Variants in KCNH7 observed in about 807,000 individuals in gnomAD.
KCNH7 encodes potassium voltage-gated channel subfamily H member 7, also known as voltage-gated inwardly rectifying potassium channel KCNH7.
Under a neutral mutation model 120.8 loss-of-function variants are expected in KCNH7, and 49 were observed. That is an observed-to-expected ratio of 0.41 (90% CI 0.32 to 0.51). The LOEUF (loss-of-function observed/expected upper bound fraction) is 0.51, where lower values mean the gene tolerates loss of function less well. KCNH7 is among the 20% of genes least tolerant of loss of function. KCNH7 has a pLI of 0.38. For synonymous variants in KCNH7, 547 were observed against 516.1 expected (o/e 1.06, Z -0.81); for missense variants, 1,097 against 1,446.6 (o/e 0.76, Z 3.92).
chr2:162,831,461 C>T (rs1182758008), intron 2 of KCNH7, among the ~76,000 whole-genome samples: 1 of 152,072 alleles, frequency 6.6e-6, no homozygotes, highest in Admixed American at 6.6e-5. Context: ...ATTTGGTGAC[C>T]AGTTGGCTTT....
At chr2:162,617,870 A>G (rs1249583560) in intron 2 of KCNH7, among the ~76,000 whole-genome samples, 1 of 152,180 alleles carries the variant, frequency 6.6e-6, no homozygotes, top group Non-Finnish European at 1.5e-5. Context: ...GCCATTTAGA[A>G]TATTTTTTTC....
chr2:162,468,329 C>G (rs1000661553), intron 6 of KCNH7, among the ~76,000 whole-genome samples: 1 of 148,722 alleles, frequency 6.7e-6, no homozygotes, highest in Non-Finnish European at 1.5e-5. Context: ...TCAATACAAT[C>G]TGACCTATGT....
chr2:162,374,222 T>C (rs1271729566), intron 14 of KCNH7, among the ~76,000 whole-genome samples: 1 of 152,224 alleles, frequency 6.6e-6, no homozygotes, highest in Non-Finnish European at 1.5e-5. Flanking sequence ...TAAATTCTTT[T>C]TCCCTCTTAA....
chr2:162,457,464 A>C (rs928493290), intron 6 of KCNH7, among the ~76,000 whole-genome samples: 1 of 152,142 alleles, frequency 6.6e-6, no homozygotes. Context: ...ACCAAATACA[A>C]TTTTTCTTCA....
At chr2:162,586,321 C>T (rs1694018332) in intron 2 of KCNH7, among the ~76,000 whole-genome samples, 1 of 152,028 alleles carries the variant, frequency 6.6e-6, no homozygotes, top group African/African-American at 2.4e-5. Flanking sequence ...CTATTTTGCC[C>T]TTTGGAACGT....
At chr2:162,710,987 C>T (rs934616866) in intron 2 of KCNH7, among the ~76,000 whole-genome samples, 5 of 152,108 alleles carry the variant, frequency 3.3e-5, no homozygotes, top group African/African-American at 7.2e-5. Context: ...GTCACTTCAA[C>T]TCCACAACCA....
At chr2:162,410,809 A>C (rs2105464917) in intron 9 of KCNH7, among the ~76,000 whole-genome samples, 1 of 152,202 alleles carries the variant, frequency 6.6e-6, no homozygotes, top group East Asian at 1.9e-4. Context: ...GATACTTCTC[A>C]AAAAAAGGCA....
chr2:162,674,048 C>T (rs1217902035), intron 2 of KCNH7, among the ~76,000 whole-genome samples: 1 of 151,324 alleles, frequency 6.6e-6, no homozygotes, highest in Non-Finnish European at 1.5e-5. Context: ...TATAATCTAG[C>T]CTACACAGTA....
At chr2:162,478,954 T>C (rs527908520) in intron 6 of KCNH7, among the ~76,000 whole-genome samples, 4 of 152,230 alleles carry the variant, frequency 2.6e-5, no homozygotes, top group East Asian at 3.9e-4. Flanking sequence ...CTGGTGCTTT[T>C]TAGAAGGAAG....
At chr2:162,721,101 C>T (rs188708376) in intron 2 of KCNH7, among the ~76,000 whole-genome samples, 40 of 152,240 alleles carry the variant, frequency 2.6e-4, no homozygotes, top group African/African-American at 9.6e-4. Flanking sequence ...AAGAGATGCA[C>T]AGCAGCACAT....
chr2:162,400,421 T>C lies in KCNH7; in HGVS notation c.2175A>G (p.Glu725=). The C allele has an allele frequency of 6.2e-7, 1 of 1,612,022 alleles. No homozygotes were observed. The highest frequency in any genetic ancestry group is 1.3e-5 in the African/African-American group (1 of 74,890). The part of the protein sequence containing the change: ...DMNMVLKGFP[E]CLQADICLHL... ...GTAGACAAATGTCTGCTTGTAAGCA[T>C]TCTGGGAAACCCTTTAGGACCTGAG... is the stretch of plus-strand genomic sequence containing the variant. Residue 725 remains glutamate, a synonymous_variant, in exon 10 of 16, where the codon GAA becomes GAG. Coordinates refer to ENST00000332142, the MANE Select transcript of KCNH7 (RefSeq NM_033272.4).
rs532635819 is a variant in KCNH7 at position 162,834,224 on chromosome 2, G to A, written c.307+2313C>T. Among the ~76,000 whole-genome samples, 18 of 152,174 alleles carry A rather than the reference G, an allele frequency of 1.2e-4. 1 individual carries two copies. Among genetic ancestry groups the A allele is most frequent in the African/African-American group, 4.1e-4 (17 of 41,552 alleles). Reference sequence around the variant, plus strand: ...ATAAATAAAACCAAGACACACTGAAGATTCTATCCAAGTTATCTGAACTAG... The same window carrying A: ...ATAAATAAAACCAAGACACACTGAAAATTCTATCCAAGTTATCTGAACTAG... On this transcript the variant is annotated intron_variant, in intron 2 of 15. Transcript: ENST00000332142.
chr2:162,485,907 C>G (rs1251111193), intron 6 of KCNH7, among the ~76,000 whole-genome samples: 1 of 151,986 alleles, frequency 6.6e-6, no homozygotes, highest in Non-Finnish European at 1.5e-5. Context: ...CCTTTTTTTC[C>G]CTTTTGACTC....
chr2:162,714,243 C>A (rs1687031576), intron 2 of KCNH7, among the ~76,000 whole-genome samples: 1 of 152,130 alleles, frequency 6.6e-6, no homozygotes, highest in Non-Finnish European at 1.5e-5. Flanking sequence ...GGAGAATTGA[C>A]ACGTGCTTCC....
chr2:162,408,429 A>G (rs1573923480), intron 9 of KCNH7, among the ~76,000 whole-genome samples: 2 of 152,096 alleles, frequency 1.3e-5, no homozygotes, highest in East Asian at 1.9e-4. Context: ...TTCCCCTCCT[A>G]TAAAATGTAT....
chr2:162,624,749 A>T (rs774584846), intron 2 of KCNH7, among the ~76,000 whole-genome samples: 1 of 152,096 alleles, frequency 6.6e-6, no homozygotes, highest in African/African-American at 2.4e-5. Context: ...TAGCCCAGTT[A>T]TCTCCTTTAC....
chr2:162,538,603 C>T (rs1036387914), intron 2 of KCNH7, among the ~76,000 whole-genome samples: 1 of 151,988 alleles, frequency 6.6e-6, no homozygotes, highest in Admixed American at 6.6e-5. Context: ...AAATGGTGAC[C>T]TATGTAAGCT....
intron 3 of KCNH7, chr2:162,528,155 T>C (rs1480470725): frequency 1.3e-5 from 2 of 151,992 alleles, no homozygotes; most frequent in Non-Finnish European, 2.9e-5. Context: ...ACTTTTTATG[T>C]CTTCTACGAA....
At chr2:162,514,177 T>C (rs996699941) in intron 4 of KCNH7, among the ~76,000 whole-genome samples, 1 of 151,828 alleles carries the variant, frequency 6.6e-6, no homozygotes. Flanking sequence ...AATAATGTGA[T>C]ATATTGAATT....
Sources: gnomAD v4.1 joint callset for allele counts (sites outside exome capture counted in the v4.1 genomes callset) on GRCh38, gnomAD v4.1.1 for gene constraint, MANE v1.5 for transcripts, NCBI Gene and HGNC (gene_info 2026-07-23, HGNC 2026-07-21) for gene names.